Variants in BCAS3 observed in about 807,000 individuals in gnomAD.
The protein encoded by BCAS3 is BCAS4/BCAS3 fusion.
A neutral mutation model predicts 116.1 loss-of-function variants in BCAS3; 53 were observed. The observed-to-expected ratio is 0.46, with a 90% CI of 0.37 to 0.57. The LOEUF is 0.57. Among genes scored for constraint, BCAS3 ranks in the 20% least tolerant of loss-of-function variants. The pLI, the probability that BCAS3 is intolerant of heterozygous loss-of-function variation, is 0.00. For missense variants in BCAS3, 917 were observed against 1,165.4 expected (o/e 0.79, Z 3.10); for synonymous variants, 391 against 408.2 (o/e 0.96, Z 0.51).
At chr17:61,304,651 A>G (rs1460773838) in intron 22 of BCAS3, among the ~76,000 whole-genome samples, 1 of 152,168 alleles carries the variant, frequency 6.6e-6, no homozygotes, top group East Asian at 1.9e-4. Context: ...AGCTCTGTAC[A>G]CACCTCAATG....
At position 61,105,801 on chromosome 17, in the gene BCAS3, T is replaced by TA. The variant is rs1057231343; in HGVS notation, c.2425+21238dup. The stretch of plus-strand genomic sequence containing the variant: ...GGAAAAAAAAAAGTTAGAGCTTTAG[T>TA]ACTGGTACACTTTGGGACAGAAAGG... On this transcript the variant is annotated intron_variant, in intron 22 of 23. Coordinates refer to ENST00000407086, the MANE Select transcript of BCAS3 (RefSeq NM_017679.5). The surrounding 1 kb of genome is among the most constrained non-coding windows in gnomAD (Gnocchi z 4.3). Among the ~76,000 whole-genome samples the TA allele has an allele frequency of 5.8e-4, 89 of 152,262 alleles. 1 individual carries two copies. Among genetic ancestry groups the TA allele is most frequent in the Middle Eastern group, 6.8e-3 (2 of 294 alleles).
intron 14 of BCAS3, among the ~76,000 whole-genome samples, chr17:60,954,685 T>A (rs2061028763): frequency 6.6e-6 from 1 of 152,220 alleles, no homozygotes; most frequent in South Asian, 2.1e-4. Flanking sequence ...AAATTTTAAC[T>A]CATTCATGAG....
chr17:60,742,445 T>G (rs1192648971), intron 5 of BCAS3, among the ~76,000 whole-genome samples: 1 of 148,104 alleles, frequency 6.8e-6, no homozygotes, highest in East Asian at 2.0e-4. Flanking sequence ...TTTTTTTTTT[T>G]TTTTTGAGAC....
At chr17:61,372,896 G>A (rs2059121267) in intron 23 of BCAS3, among the ~76,000 whole-genome samples, 1 of 151,668 alleles carries the variant, frequency 6.6e-6, no homozygotes, top group African/African-American at 2.4e-5. Flanking sequence ...TTGTGTCTAG[G>A]TAAAGATATA....
chr17:60,759,308 C>G (rs2043288710), intron 6 of BCAS3, among the ~76,000 whole-genome samples: 1 of 152,134 alleles, frequency 6.6e-6, no homozygotes, highest in Non-Finnish European at 1.5e-5. Context: ...TAGCAAGTCC[C>G]CATCTCTGTA....
At chr17:60,765,993 T>G (rs1330206501) in intron 6 of BCAS3, among the ~76,000 whole-genome samples, 1 of 152,238 alleles carries the variant, frequency 6.6e-6, no homozygotes, top group Non-Finnish European at 1.5e-5. Flanking sequence ...CTGAAGCATG[T>G]GCATGTGTCA....
In BCAS3 at chr17:61,362,879, T is replaced by C. The variant is rs1215594855; in HGVS notation, c.2426-5448T>C. 3 of 152,214 alleles carry C rather than the reference T, an allele frequency of 2.0e-5. No homozygotes were observed. The highest frequency in any genetic ancestry group is 6.5e-5 in the Admixed American group (1 of 15,286). The allele number at this position is 152,214 out of a possible 1,614,324, so 9.4% of individuals were successfully genotyped here. A position where few individuals can be genotyped will look rare whatever the true frequency, so the allele number is the denominator to read the frequency against. On this transcript the variant is annotated intron_variant, in intron 22 of 23. Coordinates refer to ENST00000407086, the MANE Select transcript of BCAS3 (RefSeq NM_017679.5). This position sits in a 1 kb window ranked among gnomAD's most constrained non-coding sequence, Gnocchi z 4.4. ...TCTGCTCACTTATCTTCTTCTTCCT[T>C]CCTCTCTTTTAATTTTAACTCCACT...
intron 13 of BCAS3, among the ~76,000 whole-genome samples, chr17:60,933,431 A>T (rs1225903668): frequency 6.6e-6 from 1 of 152,204 alleles, no homozygotes; most frequent in African/African-American, 2.4e-5. Flanking sequence ...TACATTTTAA[A>T]TAATTACCCC....
intron 7 of BCAS3, among the ~76,000 whole-genome samples, chr17:60,836,320 A>G (rs2051373084): frequency 6.6e-6 from 1 of 152,120 alleles, no homozygotes; most frequent in Non-Finnish European, 1.5e-5. Context: ...AATTCTCTTA[A>G]TTCTTTTCTT....
intron 22 of BCAS3, among the ~76,000 whole-genome samples, chr17:61,194,705 A>C: frequency 6.9e-6 from 1 of 144,706 alleles, no homozygotes; most frequent in African/African-American, 2.6e-5. Context: ...GTGCCATTGC[A>C]CTCCTGCCTG....
chr17:60,798,189 A>G (rs1229559347), intron 6 of BCAS3, among the ~76,000 whole-genome samples: 1 of 152,210 alleles, frequency 6.6e-6, no homozygotes, highest in Non-Finnish European at 1.5e-5. Flanking sequence ...AAAGTCCCTA[A>G]TTGACATTAG....
At chr17:61,246,005 G>T (rs1192267684) in intron 22 of BCAS3, among the ~76,000 whole-genome samples, 1 of 152,112 alleles carries the variant, frequency 6.6e-6, no homozygotes, top group Non-Finnish European at 1.5e-5. Flanking sequence ...GATCCACCCA[G>T]GGTTCCACAG....
chr17:61,008,792 G>A lies in BCAS3; in HGVS notation c.1487-6959G>A, dbSNP rs1012002127. 1.3e-5 allele frequency among the ~76,000 whole-genome samples: 2 copies of A among 152,048 alleles called. No individual in the cohort carries two copies. The highest frequency in any genetic ancestry group is 2.4e-5 in the African/African-American group (1 of 41,406). Reference sequence around the variant, plus strand: ...ATAGGGAATAGAACATCTACATGATGTCTTAGAATAGGTAAAGTGTTGCAA... The same window carrying A: ...ATAGGGAATAGAACATCTACATGATATCTTAGAATAGGTAAAGTGTTGCAA... On this transcript the variant is annotated intron_variant, in intron 15 of 23. Transcript: ENST00000407086. The surrounding 1 kb of genome is among the most constrained non-coding windows in gnomAD (Gnocchi z 4.6).
chr17:61,389,075 C>T (rs990948578), intron 23 of BCAS3: 6 of 242,224 alleles, frequency 2.5e-5, no homozygotes, highest in Non-Finnish European at 4.1e-5. Flanking sequence ...AGAACCCCCC[C>T]GAGGGGGTCT....
chr17:60,736,638 A>T (rs561858497), intron 5 of BCAS3, among the ~76,000 whole-genome samples: 1 of 152,308 alleles, frequency 6.6e-6, no homozygotes, highest in African/African-American at 2.4e-5. Flanking sequence ...CAGTGAATTC[A>T]TCTGGTCCTG....
intron 13 of BCAS3, among the ~76,000 whole-genome samples, chr17:60,937,281 C>T (rs1300385570): frequency 6.6e-6 from 1 of 150,754 alleles, no homozygotes; most frequent in African/African-American, 2.4e-5. Flanking sequence ...GAGTTTTTCT[C>T]TCTCTTTTTT....
chr17:61,387,850 G>C lies in BCAS3; in HGVS notation c.2594-4127G>C, dbSNP rs547294955. ...TTGCTCTCTGCAATGTGGGTATATA[G>C]CTCCCACCACCCAGGGGACCACATC... On this transcript the variant is annotated intron_variant, in intron 23 of 23. Transcript: ENST00000407086. The surrounding 1 kb of genome is among the most constrained non-coding windows in gnomAD (Gnocchi z 6.2). 1.3e-5 allele frequency among the ~76,000 whole-genome samples: 2 copies of C among 152,264 alleles called. No homozygotes were observed. Among genetic ancestry groups the C allele is most frequent in the South Asian group, 4.1e-4 (2 of 4,822 alleles).
intron 7 of BCAS3, among the ~76,000 whole-genome samples, chr17:60,820,348 G>A (rs368270369): frequency 1.2e-4 from 19 of 152,086 alleles, no homozygotes; most frequent in African/African-American, 3.9e-4. Context: ...CCCAGCCGAC[G>A]GTGGGGCATC....
At chr17:60,822,912 T>A (rs1391230252) in intron 7 of BCAS3, among the ~76,000 whole-genome samples, 3 of 152,212 alleles carry the variant, frequency 2.0e-5, no homozygotes, top group Non-Finnish European at 1.5e-5. Flanking sequence ...AAATACCACA[T>A]GGAGAAAGAG....
Sources: allele counts gnomAD v4.1 joint callset (sites outside exome capture counted in the v4.1 genomes callset), GRCh38; gene constraint gnomAD v4.1.1; non-coding constraint Gnocchi (gnomAD v3.1); transcripts MANE v1.5; gene names NCBI Gene and HGNC (gene_info 2026-07-23, HGNC 2026-07-21).